Variants in RSRC1 observed in about 807,000 individuals in gnomAD.
RSRC1 encodes arginine and serine rich coiled-coil 1, also known as serine/Arginine-related protein 53.
Under a neutral mutation model 49.1 loss-of-function variants are expected in RSRC1, and 39 were observed. The ratio of observed to expected loss-of-function variants is 0.79; its 90% CI spans 0.61 to 1.04. The LOEUF (loss-of-function observed/expected upper bound fraction) is 1.04. Among genes scored for constraint, RSRC1 ranks in the 50% least tolerant of loss-of-function variants. RSRC1 has a pLI of 0.00. For synonymous variants in RSRC1, 143 were observed against 130.8 expected (o/e 1.09, Z -0.63); for missense variants, 388 against 402.4 (o/e 0.96, Z 0.31).
chr3:158,222,805 A>G (rs1258665285), intron 4 of RSRC1, among the ~76,000 whole-genome samples: 1 of 151,436 alleles, frequency 6.6e-6, no homozygotes, highest in Non-Finnish European at 1.5e-5. Flanking sequence ...GAATCCCGTT[A>G]CCTTTTCTAA....
rs185255746 is a variant in RSRC1, at chr3:158,287,015, A to G, written c.495-11024A>G. On this transcript the variant is annotated intron_variant, in intron 4 of 9. Transcript: ENST00000611884. ...CCAATTTTTTGTATTTTTAGTAGAG[A>G]CAGGGTTTCACTGTGTTAGCCAGGA... Among the ~76,000 whole-genome samples, 399 of 152,250 alleles carry G rather than the reference A, an allele frequency of 2.6e-3. 4 individuals carry two copies. The highest frequency in any genetic ancestry group is 9.2e-3 in the African/African-American group (381 of 41,556).
intron 3 of RSRC1, among the ~76,000 whole-genome samples, chr3:158,133,995 A>G (rs535519616): frequency 2.4e-4 from 36 of 152,332 alleles, no homozygotes; most frequent in African/African-American, 8.4e-4. Context: ...AGTGATTGAT[A>G]CTGTGACAGG....
intron 3 of RSRC1, among the ~76,000 whole-genome samples, chr3:158,149,699 C>T (rs749142009): frequency 1.1e-4 from 16 of 152,116 alleles, no homozygotes; most frequent in African/African-American, 7.2e-5. Context: ...TATACCTATT[C>T]CAACTCTGGT....
chr3:158,316,917 A>G (rs987599368), intron 5 of RSRC1, among the ~76,000 whole-genome samples: 12 of 152,188 alleles, frequency 7.9e-5, no homozygotes, highest in Non-Finnish European at 1.8e-4. Flanking sequence ...AACTTGAGAA[A>G]TTAAAGATTT....
intron 3 of RSRC1, among the ~76,000 whole-genome samples, chr3:158,152,792 A>G (rs1339300347): frequency 6.6e-6 from 1 of 152,152 alleles, no homozygotes; most frequent in Non-Finnish European, 1.5e-5. Context: ...TAATAATATG[A>G]CTTTTAGTTT....
At chr3:158,114,616 T>A (rs1714664450) in intron 1 of RSRC1, among the ~76,000 whole-genome samples, 2 of 152,236 alleles carry the variant, frequency 1.3e-5, no homozygotes, top group South Asian at 4.1e-4. Flanking sequence ...ACGATATTGA[T>A]TCTTCCTATC....
intron 4 of RSRC1, among the ~76,000 whole-genome samples, chr3:158,256,532 T>A (rs567446807): frequency 1.1e-3 from 166 of 152,236 alleles, no homozygotes; most frequent in African/African-American, 3.9e-3. Context: ...TCTTTGTTGT[T>A]GTTGTTGTTG....
intron 6 of RSRC1, among the ~76,000 whole-genome samples, chr3:158,391,708 T>C (rs1447146610): frequency 6.6e-6 from 1 of 152,090 alleles, no homozygotes; most frequent in Non-Finnish European, 1.5e-5. Flanking sequence ...AATCTGCATG[T>C]GCCCAGAACC....
chr3:158,505,744 G>C (rs1739831348), intron 7 of RSRC1, among the ~76,000 whole-genome samples: 1 of 132,370 alleles, frequency 7.6e-6, no homozygotes, highest in Admixed American at 7.4e-5. Context: ...GTAAACTGAG[G>C]GTTAAGAATA....
intron 5 of RSRC1, among the ~76,000 whole-genome samples, chr3:158,324,536 T>C (rs1039039225): frequency 1.3e-5 from 2 of 152,194 alleles, no homozygotes; most frequent in African/African-American, 2.4e-5. Flanking sequence ...TCCAGCTTCA[T>C]CCATGTCCCT....
At position 158,539,341 on chromosome 3, in the gene RSRC1, C is replaced by T. The variant is rs1712901592; in HGVS notation, c.759+2143C>T. On this transcript the variant is annotated intron_variant, in intron 8 of 9. Transcript: ENST00000611884. This position sits in a 1 kb window ranked among gnomAD's most constrained non-coding sequence, Gnocchi z 4.1. The stretch of plus-strand genomic sequence containing the variant: ...CAGTGACATGCTAGACATTGTGTCT[C>T]CTGCAACACATATTGATTTAACTAG... Among the ~76,000 whole-genome samples the T allele has an allele frequency of 6.6e-6, 1 of 152,056 alleles. No individual in the cohort carries two copies. Among genetic ancestry groups the T allele is most frequent in the African/African-American group, 2.4e-5 (1 of 41,442 alleles).
intron 3 of RSRC1, among the ~76,000 whole-genome samples, chr3:158,189,865 G>A (rs1578178840): frequency 6.6e-6 from 1 of 151,150 alleles, no homozygotes; most frequent in Non-Finnish European, 1.5e-5. Context: ...TCTCTATTAG[G>A]TGACTAGTTT....
chr3:158,145,224 G>A (rs13065148), intron 3 of RSRC1, among the ~76,000 whole-genome samples: 89,958 of 151,866 alleles, frequency 0.59, 26,894 homozygotes, highest in East Asian at 0.71. Context: ...AGTCCTGAAT[G>A]GTATTGCCTA....
At chr3:158,477,383 G>A (rs1208584164) in intron 7 of RSRC1, among the ~76,000 whole-genome samples, 1 of 152,056 alleles carries the variant, frequency 6.6e-6, no homozygotes, top group South Asian at 2.1e-4. Flanking sequence ...CTTCATTGTT[G>A]TCTTATTTAA....
chr3:158,289,924 T>TCCATCC (rs1553780272), intron 4 of RSRC1, among the ~76,000 whole-genome samples: 1 of 149,786 alleles, frequency 6.7e-6, no homozygotes, highest in African/African-American at 2.5e-5. Context: ...TCTATCTTTC[T>TCCATCC]ATCCATCCAT....
At chr3:158,256,003 A>G (rs983005893) in intron 4 of RSRC1, among the ~76,000 whole-genome samples, 7 of 152,132 alleles carry the variant, frequency 4.6e-5, no homozygotes, top group African/African-American at 1.7e-4. Context: ...CATGTCATCT[A>G]CGAACAGGGA....
At chr3:158,428,659 T>C (rs1735598196) in intron 6 of RSRC1, among the ~76,000 whole-genome samples, 1 of 151,892 alleles carries the variant, frequency 6.6e-6, no homozygotes, top group Admixed American at 6.6e-5. Context: ...AATTGGCACA[T>C]AACGTGTATT....
At chr3:158,520,702 A>G (rs899790567) in intron 7 of RSRC1, among the ~76,000 whole-genome samples, 2 of 152,134 alleles carry the variant, frequency 1.3e-5, no homozygotes, top group Non-Finnish European at 2.9e-5. Context: ...AAATGTTTCA[A>G]ATTAATTGTG....
At chr3:158,281,509 T>C (rs1232952003) in intron 4 of RSRC1, among the ~76,000 whole-genome samples, 2 of 152,108 alleles carry the variant, frequency 1.3e-5, no homozygotes, top group South Asian at 2.1e-4. Flanking sequence ...CCAGGACTGA[T>C]CCTTGGGGAG....
Sources: allele counts gnomAD v4.1 joint callset (sites outside exome capture counted in the v4.1 genomes callset), GRCh38; gene constraint gnomAD v4.1.1; non-coding constraint Gnocchi (gnomAD v3.1); transcripts MANE v1.5; gene names NCBI Gene and HGNC (gene_info 2026-07-23, HGNC 2026-07-21).